The following GRIP1 variants were observed in gnomAD, a reference collection of about 807,000 sequenced individuals.
GRIP1 encodes glutamate receptor interacting protein 1, also known as glutamate receptor-interacting protein 1.
In GRIP1, 45 loss-of-function variants were observed where a neutral mutation model predicts 129.9. That is an observed-to-expected ratio of 0.35 (90% CI 0.27 to 0.44). The LOEUF is 0.44. Ranked by LOEUF, GRIP1 falls within the 20% of genes least tolerant of loss-of-function variation. The pLI is 1.00. For missense variants in GRIP1, 1,196 were observed against 1,396.8 expected (o/e 0.86, Z 2.29); for synonymous variants, 530 against 520.8 (o/e 1.02, Z -0.24).
At chr12:67,064,750 TA>T (rs757412409) in intron 1 of GRIP1, among the ~76,000 whole-genome samples, 16 of 152,280 alleles carry the variant, frequency 1.1e-4, no homozygotes, top group South Asian at 4.1e-4. Flanking sequence ...TTCTCATAGA[TA>T]TTTTTTTATT....
intron 1 of GRIP1, among the ~76,000 whole-genome samples, chr12:66,865,681 C>T (rs2040193396): frequency 6.6e-6 from 1 of 151,980 alleles, no homozygotes; most frequent in Non-Finnish European, 1.5e-5. Context: ...TCATTATCTC[C>T]CCCTCAGCTT....
At chr12:66,537,525 T>TATAC (rs918929208) in intron 4 of GRIP1, among the ~76,000 whole-genome samples, 2 of 151,230 alleles carry the variant, frequency 1.3e-5, no homozygotes, top group African/African-American at 4.9e-5. Flanking sequence ...ATATCATATA[T>TATAC]ATATATATAT....
At chr12:66,457,417 G>A (rs770216451) in intron 9 of GRIP1, among the ~76,000 whole-genome samples, 61 of 152,216 alleles carry the variant, frequency 4.0e-4, no homozygotes, top group Non-Finnish European at 7.4e-4. Flanking sequence ...ACAGGCCCAC[G>A]CCACCACACC....
chr12:66,751,864 T>C (rs193103737), intron 1 of GRIP1, among the ~76,000 whole-genome samples: 2 of 152,346 alleles, frequency 1.3e-5, no homozygotes, highest in East Asian at 3.9e-4. Flanking sequence ...CACAAGCTAA[T>C]GTCTACATTA....
At chr12:66,692,869 T>C (rs1290999942) in intron 1 of GRIP1, among the ~76,000 whole-genome samples, 1 of 152,190 alleles carries the variant, frequency 6.6e-6, no homozygotes, top group Non-Finnish European at 1.5e-5. Context: ...TTTCTCTAGC[T>C]ACTCATAGGA....
chr12:67,041,143 C>T (rs1309646743), intron 1 of GRIP1, among the ~76,000 whole-genome samples: 1 of 152,074 alleles, frequency 6.6e-6, no homozygotes. Flanking sequence ...TCCTTAAAAT[C>T]AATCTCTCTC....
At chr12:66,812,226 C>A (rs1052092804) in intron 1 of GRIP1, among the ~76,000 whole-genome samples, 1 of 152,120 alleles carries the variant, frequency 6.6e-6, no homozygotes, top group Admixed American at 6.5e-5. Flanking sequence ...TTCCACTTCC[C>A]GGGTTCAAGC....
intron 7 of GRIP1, among the ~76,000 whole-genome samples, chr12:66,481,987 T>A (rs1056626902): frequency 6.6e-6 from 1 of 152,100 alleles, no homozygotes; most frequent in Admixed American, 6.5e-5. Context: ...TTAGGAGAAG[T>A]ACCTAATGTA....
chr12:66,937,443 A>T (rs1337984264), intron 1 of GRIP1, among the ~76,000 whole-genome samples: 2 of 152,228 alleles, frequency 1.3e-5, no homozygotes, highest in African/African-American at 4.8e-5. Flanking sequence ...ACAAATAAAT[A>T]GCTGATGTTT....
intron 16 of GRIP1, among the ~76,000 whole-genome samples, chr12:66,400,217 AGTCATCTGTGTTTTAAT>A (rs2056935149): frequency 6.6e-6 from 1 of 151,926 alleles, no homozygotes; most frequent in African/African-American, 2.4e-5. Context: ...AGAGGGGCCT[AGTCATCTGTGTTTTAAT>A]GTCTTCTGGG....
At chr12:66,808,709 T>C (rs140608116), upstream of GRIP1, among the ~76,000 whole-genome samples, 348 of 152,334 alleles carry the variant, frequency 2.3e-3, 2 homozygotes, top group South Asian at 9.7e-3. Flanking sequence ...ACCTTGAGCC[T>C]GATTCCAATA....
chr12:66,615,486 G>A (rs2065001894), intron 1 of GRIP1, among the ~76,000 whole-genome samples: 1 of 152,088 alleles, frequency 6.6e-6, no homozygotes, highest in African/African-American at 2.4e-5. Flanking sequence ...GTGGCTGTTA[G>A]AACTCACTGA....
At chr12:66,601,870 T>C (rs972449514) in intron 1 of GRIP1, among the ~76,000 whole-genome samples, 4 of 152,170 alleles carry the variant, frequency 2.6e-5, no homozygotes, top group African/African-American at 9.7e-5. Context: ...TAGTACCTAC[T>C]ATGTGCAAAC....
At chr12:66,377,128 A>T (rs2055822022) in intron 21 of GRIP1, 46 bp downstream of exon 21, 1 of 1,568,612 alleles carries the variant, frequency 6.4e-7, no homozygotes, top group Non-Finnish European at 8.8e-7. Context: ...GGACCAAAAA[A>T]AATGAATGTA....
chr12:66,533,299 G>T (rs2139137786), intron 4 of GRIP1, among the ~76,000 whole-genome samples: 1 of 151,986 alleles, frequency 6.6e-6, no homozygotes, highest in East Asian at 2.0e-4. Flanking sequence ...GCCTCCCAAA[G>T]TGCTAGGATT....
At chr12:66,475,404 A>G (rs1466605337) in intron 7 of GRIP1, among the ~76,000 whole-genome samples, 1 of 152,212 alleles carries the variant, frequency 6.6e-6, no homozygotes, top group Non-Finnish European at 1.5e-5. Context: ...CGCACTGTCA[A>G]CATTAGACAG....
At chr12:66,569,476 G>GAA (rs112800580) in intron 2 of GRIP1, among the ~76,000 whole-genome samples, 5 of 148,556 alleles carry the variant, frequency 3.4e-5, no homozygotes, top group African/African-American at 7.4e-5. Context: ...GACTTCGTCT[G>GAA]AAAAAAAAAA....
intron 1 of GRIP1, among the ~76,000 whole-genome samples, chr12:66,936,064 T>G (rs2041478817): frequency 6.6e-6 from 1 of 152,108 alleles, no homozygotes; most frequent in South Asian, 2.1e-4. Context: ...AAGTCTCCAG[T>G]GAGCTCTCTG....
chr12:66,486,876 G>A (rs909831340), intron 7 of GRIP1, among the ~76,000 whole-genome samples: 2 of 151,664 alleles, frequency 1.3e-5, no homozygotes, highest in African/African-American at 4.8e-5. Context: ...CTGCAGCCTC[G>A]AACTCCTGGG....
Sources: gnomAD v4.1 joint callset for allele counts (sites outside exome capture counted in the v4.1 genomes callset) on GRCh38, gnomAD v4.1.1 for gene constraint, MANE v1.5 for transcripts, NCBI Gene and HGNC (gene_info 2026-07-23, HGNC 2026-07-21) for gene names.